The following MUC4 variants were observed in gnomAD, a reference collection of about 807,000 sequenced individuals.
MUC4 encodes the protein mucin-4.
A neutral mutation model predicts 257.9 loss-of-function variants in MUC4; 202 were observed. The ratio of observed to expected loss-of-function variants is 0.78; its 90% confidence interval spans 0.70 to 0.88. The LOEUF is 0.88. Ranked by LOEUF, MUC4 falls within the 40% of genes least tolerant of loss-of-function variation. The pLI is 0.00. For missense variants in MUC4, 5,976 were observed against 6,513.7 expected (o/e 0.92, Z 2.84); for synonymous variants, 2,351 against 2,757.1 (o/e 0.85, Z 4.62).
Position 195,747,047 on chromosome 3 carries a change from C to G in MUC4, c.*129G>C. The G allele has an allele frequency of 7.8e-7, 1 of 1,278,308 alleles. No homozygotes were observed. Among genetic ancestry groups the G allele is most frequent in the Non-Finnish European group, 1.1e-6 (1 of 901,752 alleles). 79.2% of individuals were successfully genotyped at this position (1,278,308 alleles called of 1,614,324 possible). On this transcript the variant is annotated 3_prime_UTR_variant, in exon 25 of 25. Coordinates refer to ENST00000463781, the MANE Select transcript of MUC4 (RefSeq NM_018406.7). The stretch of plus-strand genomic sequence containing the variant: ...TAGTCTTGTCTTGATTCCCAGTATT[C>G]ATTCTCCTTGAAGAATCCTGACAGC...
In MUC4 at chr3:195,751,270, A is replaced by G; in HGVS notation, c.15584T>C (p.Val5195Ala). The G allele has an allele frequency of 6.2e-7, 1 of 1,604,224 alleles. No homozygotes were observed. The highest frequency in any genetic ancestry group is 8.5e-7 in the Non-Finnish European group (1 of 1,175,782). ...GTCCAGGGTCCCCAGTCTGTATGCCACCTAGGTTAGAGGATGGCAGATGGG... is the reference window on the plus strand; with the variant it reads ...GTCCAGGGTCCCCAGTCTGTATGCCGCCTAGGTTAGAGGATGGCAGATGGG... ...NASMAEVNAS[V>A]AYRLGTLDMR... The change falls in exon 22 of 25, where the codon GTG becomes GCG. Residue 5195 changes from valine (V) to alanine (A), a missense_variant and splice_region_variant. Physicochemically the swap from Val to Ala is moderately conservative, Grantham distance 64 (BLOSUM62 0). Around this residue, in one of 44 missense-constraint regions of MUC4, gnomAD observed 996 missense variants for 1,137.3 expected, o/e 0.88. Coordinates refer to ENST00000463781, the MANE Select transcript of MUC4 (RefSeq NM_018406.7).
Position 195,781,064 on chromosome 3 carries a change from G to A in MUC4, c.10516C>T (p.Pro3506Ser), listed in dbSNP as rs754332274. The A allele has an allele frequency of 2.7e-5, 41 of 1,496,980 alleles. 1 individual carries two copies. The highest frequency in any genetic ancestry group is 3.5e-5 in the Non-Finnish European group (39 of 1,112,918). 92.7% of individuals were successfully genotyped at this position (1,496,980 alleles called of 1,614,324 possible). A position where few individuals can be genotyped will look rare whatever the true frequency, so the allele number is the denominator to read the frequency against. Residue 3506 changes from proline to serine, a missense_variant, in exon 2 of 25, where the codon CCT (proline) becomes TCT (serine). Physicochemically the swap from Pro to Ser is moderately conservative, Grantham distance 74. Transcript: ENST00000463781. Reference sequence around the variant, plus strand: ...GATGCTGAGGAAGCGCCGGTGACAGGAAGAGTGCTGGTGTCACCTGTGGAT... The same window carrying A: ...GATGCTGAGGAAGCGCCGGTGACAGAAAGAGTGCTGGTGTCACCTGTGGAT... ...SASTGDTSTL[P>S]VTGASSASTG...
chr3:195,767,540 T>TCATCACCATCACCATCACCACCAC (rs1721043432), intron 7 of MUC4, among the ~76,000 whole-genome samples: 2 of 65,800 alleles, frequency 3.0e-5, no homozygotes, highest in South Asian at 4.9e-4. Context: ...GCCACCACCA[T>TCATCACCATCACCATCACCACCAC]CATCACCATC....
chr3:195,801,816 C>A lies in MUC4; in HGVS notation c.82+9920G>T, dbSNP rs184617679. Among the ~76,000 whole-genome samples, 50 of 152,246 alleles carry A rather than the reference C, an allele frequency of 3.3e-4. No individual in the cohort carries two copies. In the South Asian group the frequency reaches 6.8e-3, roughly 21 times the overall value. ...TCTGACAGATGTGTATTGCGCCCCC[C>A]CCTCCACGTGCTCTCCCTGGCCGGC... On this transcript the variant is annotated intron_variant, in intron 1 of 24. Coordinates refer to ENST00000463781, the MANE Select transcript of MUC4 (RefSeq NM_018406.7).
chr3:195,788,976 G>T lies in MUC4; in HGVS notation c.2604C>A (p.Val868=), dbSNP rs750704811. The T allele has an allele frequency of 3.1e-6, 5 of 1,613,654 alleles. No individual in the cohort carries two copies. In the African/African-American group the frequency reaches 6.7e-5, roughly 22 times the overall value. ...PVSTGMASSI[V]PGTFHPTLSE... ...AGAGGGTGGGATGAAAGGTGCCGGG[G>T]ACGATCGAAGACGCCATTCCTGTGC... The change falls in exon 2 of 25, where the codon GTC becomes GTA. Residue 868 remains valine, a synonymous_variant. Coordinates refer to ENST00000463781, the MANE Select transcript of MUC4 (RefSeq NM_018406.7).
intron 21 of MUC4, 167 bp downstream of exon 21, chr3:195,752,206 C>G: frequency 1.5e-6 from 1 of 651,192 alleles, no homozygotes; most frequent in Non-Finnish European, 2.7e-6. Flanking sequence ...CTTGGGCCTT[C>G]CTCACTTCCT....
intron 24 of MUC4, 79 bp from the exon 25 acceptor site, chr3:195,747,459 A>C: frequency 6.7e-7 from 1 of 1,492,816 alleles, no homozygotes; most frequent in Non-Finnish European, 9.2e-7. Flanking sequence ...CTGGGGAAGA[A>C]GAGGTTCTGT....
chr3:195,782,922 AGCG>A lies in MUC4; in HGVS notation c.8655_8657del (p.Ala2886del), dbSNP rs1729017568. 6.7e-7 allele frequency: 1 copy of A among 1,502,554 alleles called. No individual in the cohort carries two copies. The highest frequency in any genetic ancestry group is 1.6e-5 in the African/African-American group (1 of 63,124). 93.1% of individuals were successfully genotyped at this position (1,502,554 alleles called of 1,614,324 possible). A position where few individuals can be genotyped will look rare whatever the true frequency, so the allele number is the denominator to read the frequency against. ...TAGCGTGACCTGTGGACACTGAGGA[AGCG>A]TCGGTGACAGGAAGAGGGGTGGCAT... is the stretch of plus-strand genomic sequence containing the variant. On this transcript the variant is annotated inframe_deletion, in exon 2 of 25. Coordinates refer to ENST00000463781, the MANE Select transcript of MUC4 (RefSeq NM_018406.7).
At chr3:195,778,503 C>G (rs976997999) in intron 2 of MUC4, 48 bp from the exon 3 acceptor site, 4 of 1,599,686 alleles carry the variant, frequency 2.5e-6, no homozygotes, top group African/African-American at 1.4e-5. Context: ...AGTAACAAAA[C>G]AGGAGAGTCA....
rs770786952 is a variant in MUC4 at position 195,790,456 on chromosome 3, G to C, written c.1124C>G (p.Thr375Arg). Residue 375 changes from threonine to arginine, a missense_variant, in exon 2 of 25, where the codon ACA (threonine) becomes AGA (arginine). By Grantham distance (71) the Thr-to-Arg change is moderately conservative. This residue lies in a region of MUC4 where 1,583 missense variants were observed against 1,257.4 expected (regional missense o/e 1.26). Coordinates refer to ENST00000463781, the MANE Select transcript of MUC4 (RefSeq NM_018406.7). ...VSQETFPSGE[T>R]TTSSPSSVSN... Reference sequence around the variant, plus strand: ...GACACTGGAAGGGGATGAGGTGGTTGTTTCACCAGAAGGGAATGTCTCCTG... The same window carrying C: ...GACACTGGAAGGGGATGAGGTGGTTCTTTCACCAGAAGGGAATGTCTCCTG... 1 of 1,613,986 alleles carries C rather than the reference G, an allele frequency of 6.2e-7. No homozygotes were observed. Among genetic ancestry groups the C allele is most frequent in the Admixed American group, 1.7e-5 (1 of 60,026 alleles).
At position 195,767,402 on chromosome 3, in the gene MUC4, CCAT is replaced by C. The variant is rs529239524; in HGVS notation, c.13530-654_13530-652del. ...ATCGCCAGCACTACCACCACCACCA[CCAT>C]CATCGTCACCACCAACACTACCATC... On this transcript the variant is annotated intron_variant, in intron 7 of 24. Transcript: ENST00000463781. 1.3e-3 allele frequency among the ~76,000 whole-genome samples: 198 copies of C among 150,466 alleles called. 1 individual carries two copies. The highest frequency in any genetic ancestry group is 4.6e-3 in the African/African-American group (186 of 40,806).
Position 195,755,274 on chromosome 3 carries a change from C to T in MUC4, c.15169-902G>A, listed in dbSNP as rs1717440934. 6.6e-6 allele frequency among the ~76,000 whole-genome samples: 1 copy of T among 151,984 alleles called. No homozygotes were observed. The highest frequency in any genetic ancestry group is 2.1e-4 in the South Asian group (1 of 4,818). On this transcript the variant is annotated intron_variant, in intron 18 of 24. Transcript: ENST00000463781. This position sits in a 1 kb window ranked among gnomAD's most constrained non-coding sequence, Gnocchi z 5.0. ...GCAGTGTCTCGATCTCGGCTCACTG[C>T]AATGTCCCCCTCCCAAGTTAAAGCA...
chr3:195,809,079 C>A (rs1736365569), intron 1 of MUC4, among the ~76,000 whole-genome samples: 1 of 152,210 alleles, frequency 6.6e-6, no homozygotes, highest in Non-Finnish European at 1.5e-5. Flanking sequence ...CCAGGACGGC[C>A]AGGCTTCCTT....
At chr3:195,793,541 G>T (rs777826846) in intron 1 of MUC4, among the ~76,000 whole-genome samples, 26 of 151,904 alleles carry the variant, frequency 1.7e-4, no homozygotes, top group Non-Finnish European at 3.1e-4. Flanking sequence ...AGGAGAGAGA[G>T]ATGGGGGTGC....
intron 2 of MUC4, 78 bp from the exon 3 acceptor site, chr3:195,778,533 G>T (rs931628671): frequency 3.2e-6 from 5 of 1,567,998 alleles, no homozygotes; most frequent in Non-Finnish European, 3.5e-6. Flanking sequence ...AAAGAAATCA[G>T]GAGCTGGAAG....
At chr3:195,766,310 C>A (rs1423654273) in intron 8 of MUC4, among the ~76,000 whole-genome samples, 1 of 152,136 alleles carries the variant, frequency 6.6e-6, no homozygotes, top group African/African-American at 2.4e-5. Context: ...CTGCTCTGGA[C>A]AGGACACTTG....
rs1553889795 is a variant in MUC4 at position 195,799,260 on chromosome 3, T to TGTGTGA, written c.83-7764_83-7763insTCACAC. On this transcript the variant is annotated intron_variant, in intron 1 of 24. Coordinates refer to ENST00000463781, the MANE Select transcript of MUC4 (RefSeq NM_018406.7). Reference sequence around the variant, plus strand: ...GTGTGTGTGTGTGTGTGTGTGTGTGTGACACTGTGTGTGTGTGTCCCTGCC... The same window carrying TGTGTGA: ...GTGTGTGTGTGTGTGTGTGTGTGTGTGTGTGAGACACTGTGTGTGTGTGTCCCTGCC... Among the ~76,000 whole-genome samples the TGTGTGA allele has an allele frequency of 4.0e-5, 6 of 149,118 alleles. No homozygotes were observed. In the East Asian group the frequency reaches 7.9e-4, roughly 20 times the overall value.
rs138314994 is a variant in MUC4 at position 195,765,342 on chromosome 3, A to G, written c.13726T>C (p.Trp4576Arg). The change falls in exon 9 of 25, where the codon TGG (tryptophan) becomes CGG (arginine). Residue 4576 changes from tryptophan (W) to arginine (R), a missense_variant. Around this residue, in one of 44 missense-constraint regions of MUC4, gnomAD observed 996 missense variants for 1,137.3 expected, o/e 0.88. Transcript: ENST00000463781. ...GAACAAGGGCAGGAGACCTGGTTCC[A>G]GCCCCAGCTGGGCCACCGAGGCTGG... ...KSQPRWPSWGWNQVSCPCSWQ... is the reference protein window; with the variant it reads ...KSQPRWPSWGRNQVSCPCSWQ... 29 of 1,613,674 alleles carry G rather than the reference A, an allele frequency of 1.8e-5. No individual in the cohort carries two copies. The highest frequency in any genetic ancestry group is 2.4e-5 in the Non-Finnish European group (28 of 1,180,010).
chr3:195,752,294 G>T, intron 21 of MUC4, 79 bp downstream of exon 21: 1 of 1,284,940 alleles, frequency 7.8e-7, no homozygotes, highest in Non-Finnish European at 1.1e-6. Context: ...CAAGATGAAG[G>T]CCGCACAGCG....
Sources: gnomAD v4.1 joint callset for allele counts (sites outside exome capture counted in the v4.1 genomes callset) on GRCh38, gnomAD v4.1.1 for gene constraint, gnomAD v4.1.1 regional missense constraint, Gnocchi (gnomAD v3.1) non-coding constraint, MANE v1.5 for transcripts, NCBI Gene and HGNC (gene_info 2026-07-23, HGNC 2026-07-21) for gene names.